Variants in DDX31 observed in about 807,000 individuals in gnomAD.
DDX31 encodes the protein ATP-dependent DNA helicase DDX31.
DDX31 carries 70 observed loss-of-function variants against 91.3 expected under a neutral mutation model. The observed-to-expected ratio is 0.77, with a 90% CI of 0.63 to 0.94. The LOEUF (loss-of-function observed/expected upper bound fraction) is 0.94. DDX31 is among the 40% of genes least tolerant of loss of function. The probability of loss-of-function intolerance (pLI) is 0.00; values close to 1 mark genes in which losing one functional copy is unlikely to be tolerated. For synonymous variants in DDX31, 362 were observed against 350.6 expected, an observed-to-expected ratio of 1.03 and a Z score of -0.36; for missense variants, 902 against 925.0, an observed-to-expected ratio of 0.98 and a Z score of 0.32.
intron 19 of DDX31, among the ~76,000 whole-genome samples, chr9:132,607,747 T>A (rs536765202): frequency 2.0e-5 from 3 of 152,208 alleles, no homozygotes; most frequent in Non-Finnish European, 4.4e-5. Context: ...GGTACAGTGA[T>A]CATAGTTTGC....
chr9:132,663,501 G>A (rs920252170), intron 1 of DDX31: 30 of 985,274 alleles, frequency 3.0e-5, no homozygotes, highest in Non-Finnish European at 3.4e-5. Flanking sequence ...AATGCATGAT[G>A]TCCAAACTTC....
intron 19 of DDX31, among the ~76,000 whole-genome samples, chr9:132,605,290 T>C (rs1045300627): frequency 1.3e-5 from 2 of 152,348 alleles, no homozygotes; most frequent in Middle Eastern, 3.4e-3. Context: ...GTGCTGGGCA[T>C]TCGGGTTGAG....
intron 1 of DDX31, among the ~76,000 whole-genome samples, chr9:132,666,132 C>T (rs976426196): frequency 6.6e-6 from 1 of 152,164 alleles, no homozygotes; most frequent in African/African-American, 2.4e-5. Flanking sequence ...TTCACACAAC[C>T]ACACAACCAA....
chr9:132,632,036 A>C lies in DDX31; in HGVS notation c.1491+5T>G. The C allele has an allele frequency of 6.2e-7, 1 of 1,612,710 alleles. No homozygotes were observed. The highest frequency in any genetic ancestry group is 2.2e-5 in the East Asian group (1 of 44,826). On this transcript the variant is annotated splice_donor_5th_base_variant and intron_variant, in intron 15 of 19. Coordinates refer to ENST00000372159, the MANE Select transcript of DDX31 (RefSeq NM_022779.9). ...AAGCTTACACCTTAACAACTAAAAA[A>C]TTACCTGAACAATCCACGTGACTTG... is the stretch of plus-strand genomic sequence containing the variant.
At chr9:132,654,283 TA>T (rs1259499706) in intron 6 of DDX31, among the ~76,000 whole-genome samples, 1 of 152,196 alleles carries the variant, frequency 6.6e-6, no homozygotes, top group Non-Finnish European at 1.5e-5. Context: ...TTAATTTATA[TA>T]TTTTAAAAAG....
At position 132,642,018 on chromosome 9, in the gene DDX31, C is replaced by T. The variant is rs148572401; in HGVS notation, c.1426G>A (p.Val476Ile). ...FQEFSHSRRG[V>I]LLCTDVAARG... ...AGGATACGTACCGTGCAAAGAAGGA[C>T]GCCTCTTCTGGAATGTGAAAATTCC... Residue 476 changes from valine (V) to isoleucine (I), a missense_variant, in exon 14 of 20, where the codon GTC becomes ATC. Val to Ile is a conservative substitution (Grantham distance 29, BLOSUM62 3). Coordinates refer to ENST00000372159, the MANE Select transcript of DDX31 (RefSeq NM_022779.9). 3.2e-5 allele frequency: 52 copies of T among 1,614,110 alleles called. No individual in the cohort carries two copies. The East Asian group carries it at 7.1e-4, about 22-fold the overall frequency.
chr9:132,653,825 T>G (rs1008041273), intron 6 of DDX31, among the ~76,000 whole-genome samples: 1 of 152,050 alleles, frequency 6.6e-6, no homozygotes, highest in Non-Finnish European at 1.5e-5. Context: ...ACAACCTGAT[T>G]TGAAAGTTCA....
intron 18 of DDX31, among the ~76,000 whole-genome samples, chr9:132,613,378 A>G (rs1205229718): frequency 6.6e-6 from 1 of 152,258 alleles, no homozygotes; most frequent in Admixed American, 6.5e-5. Flanking sequence ...CTACGTCAGG[A>G]AAGTTTCAGT....
intron 14 of DDX31, among the ~76,000 whole-genome samples, chr9:132,633,824 T>C (rs1832937437): frequency 6.6e-6 from 1 of 152,168 alleles, no homozygotes; most frequent in Non-Finnish European, 1.5e-5. Context: ...GCTGTCACTA[T>C]AGGAAACACA....
At chr9:132,653,437 T>C (rs1301143050) in intron 6 of DDX31, among the ~76,000 whole-genome samples, 2 of 129,562 alleles carry the variant, frequency 1.5e-5, no homozygotes, top group Non-Finnish European at 3.1e-5. Flanking sequence ...GAGGTTGCAG[T>C]GGGCTGAGAT....
intron 19 of DDX31, among the ~76,000 whole-genome samples, chr9:132,597,776 C>T (rs766693947): frequency 2.0e-5 from 3 of 152,260 alleles, no homozygotes; most frequent in South Asian, 2.1e-4. Context: ...CAGACACCAC[C>T]GGGGCCACTT....
intron 16 of DDX31, among the ~76,000 whole-genome samples, chr9:132,629,162 G>C (rs1277957213): frequency 2.0e-5 from 3 of 152,222 alleles, no homozygotes; most frequent in Non-Finnish European, 4.4e-5. Flanking sequence ...ATCTATATGA[G>C]ACTTCTTTCA....
chr9:132,602,403 A>G (rs17149340), intron 19 of DDX31, among the ~76,000 whole-genome samples: 2,111 of 152,294 alleles, frequency 0.014, 99 homozygotes, highest in East Asian at 0.11. Flanking sequence ...GCTGTTTATC[A>G]AACACCCACT....
At chr9:132,599,786 C>T (rs1298857280) in intron 19 of DDX31, among the ~76,000 whole-genome samples, 4 of 152,206 alleles carry the variant, frequency 2.6e-5, no homozygotes, top group Non-Finnish European at 5.9e-5. Flanking sequence ...CTAATCTGAA[C>T]GAGGCTGCTT....
intron 1 of DDX31, among the ~76,000 whole-genome samples, chr9:132,667,605 A>AAAAAACAAAAC (rs1554774186): frequency 6.6e-6 from 1 of 151,456 alleles, no homozygotes; most frequent in Non-Finnish European, 1.5e-5. Flanking sequence ...TCCATCTCAA[A>AAAAAACAAAAC]AAAACAAAAC....
intron 19 of DDX31, among the ~76,000 whole-genome samples, chr9:132,605,857 G>A (rs1484938685): frequency 2.6e-5 from 4 of 152,178 alleles, no homozygotes; most frequent in Non-Finnish European, 5.9e-5. Context: ...CTAACGGGAT[G>A]CCACTGAAAG....
chr9:132,652,472 G>A lies in DDX31; in HGVS notation c.609C>T (p.Ala203=), dbSNP rs1225968198. The change falls in exon 7 of 20, where the codon GCC becomes GCT. Residue 203 remains alanine (A), a synonymous_variant. Coordinates refer to ENST00000372159, the MANE Select transcript of DDX31 (RefSeq NM_022779.9). ...CCTCTCTCGTTGGCACGAGCACCAG[G>A]GCATAGGGGCCATCACTGCGCTGTT... ...SKIQRSDGPY[A]LVLVPTRELA... is the part of the protein sequence containing the mutation. 39 of 1,614,118 alleles carry A rather than the reference G, an allele frequency of 2.4e-5. No individual in the cohort carries two copies. The highest frequency in any genetic ancestry group is 3.2e-5 in the Non-Finnish European group (38 of 1,180,016).
intron 16 of DDX31, among the ~76,000 whole-genome samples, chr9:132,627,745 T>C (rs1477502082): frequency 6.6e-6 from 1 of 152,170 alleles, no homozygotes; most frequent in Non-Finnish European, 1.5e-5. Flanking sequence ...TCCATTCAAC[T>C]GCTAGGGCGA....
chr9:132,638,646 T>C (rs997441448), intron 14 of DDX31, among the ~76,000 whole-genome samples: 4 of 152,204 alleles, frequency 2.6e-5, no homozygotes, highest in African/African-American at 7.2e-5. Flanking sequence ...CACACCTTCA[T>C]TGAACAGCCA....
Sources: gnomAD v4.1 joint callset for allele counts (sites outside exome capture counted in the v4.1 genomes callset) on GRCh38, gnomAD v4.1.1 for gene constraint, MANE v1.5 for transcripts, NCBI Gene and HGNC (gene_info 2026-07-23, HGNC 2026-07-21) for gene names.